Variants in MYO9A observed in about 807,000 individuals in gnomAD.
The protein encoded by MYO9A is unconventional myosin-IXa.
A neutral mutation model predicts 293.3 loss-of-function variants in MYO9A; 103 were observed. The observed-to-expected ratio is 0.35, with a 90% CI of 0.30 to 0.41. The LOEUF (loss-of-function observed/expected upper bound fraction) is 0.41. MYO9A is among the 10% of genes least tolerant of loss of function. MYO9A has a pLI of 1.00. For missense variants in MYO9A, 2,685 were observed against 3,033.0 expected, an observed-to-expected ratio of 0.89 and a Z score of 2.69; for synonymous variants, 1,001 against 1,035.7, an observed-to-expected ratio of 0.97 and a Z score of 0.64.
intron 2 of MYO9A, among the ~76,000 whole-genome samples, chr15:72,037,361 C>A (rs2078085369): frequency 6.6e-6 from 1 of 151,120 alleles, no homozygotes; most frequent in South Asian, 2.1e-4. Context: ...TATTCATGGG[C>A]ATATGGAAGG....
chr15:71,840,866 C>T (rs1051460448), intron 39 of MYO9A, among the ~76,000 whole-genome samples: 2 of 152,170 alleles, frequency 1.3e-5, no homozygotes, highest in Admixed American at 6.5e-5. Context: ...GTCCTGACCT[C>T]GTGATCCGCC....
rs558403959 is a variant in MYO9A at position 72,112,351 on chromosome 15, G to A, written c.-72+5329C>T. Among the ~76,000 whole-genome samples the A allele has an allele frequency of 7.2e-5, 11 of 152,210 alleles. No individual in the cohort carries two copies. The South Asian group carries it at 1.0e-3, about 14-fold the overall frequency. On this transcript the variant is annotated intron_variant, in intron 1 of 41. Transcript: ENST00000356056. ...CTGGATGACCCCACTGCCAAAATAC[G>A]CCAGCAACATAATTCACATTAAAAC...
At position 71,904,034 on chromosome 15, in the gene MYO9A, G is replaced by C; in HGVS notation, c.2772C>G (p.Pro924=). ...KCIRSNAEKL[P]LRFSDVLVLR... Reference sequence around the variant, plus strand: ...GTACCAAGACATCACTGAACCTTAAGGGCAGCTAAAGCAAATGGAAAAAAG... The same window carrying C: ...GTACCAAGACATCACTGAACCTTAACGGCAGCTAAAGCAAATGGAAAAAAG... Residue 924 remains proline, a synonymous_variant, in exon 21 of 42, where the codon CCC becomes CCG. Transcript: ENST00000356056. 6.2e-7 allele frequency: 1 copy of C among 1,613,024 alleles called. No individual in the cohort carries two copies. Among genetic ancestry groups the C allele is most frequent in the Non-Finnish European group, 8.5e-7 (1 of 1,179,466 alleles).
At chr15:72,103,503 TGGCAGCAGA>T (rs2080459140) in intron 1 of MYO9A, among the ~76,000 whole-genome samples, 1 of 138,546 alleles carries the variant, frequency 7.2e-6, no homozygotes, top group Non-Finnish European at 1.5e-5. Flanking sequence ...GCAGAAGCAG[TGGCAGCAGA>T]AGCAGCAGAA....
intron 26 of MYO9A, chr15:71,889,946 C>A (rs558564440): frequency 6.6e-6 from 1 of 152,170 alleles, no homozygotes; most frequent in South Asian, 2.1e-4. Context: ...TGTCTTAAGG[C>A]TGCCAATCCA....
intron 1 of MYO9A, among the ~76,000 whole-genome samples, chr15:72,072,291 C>G (rs2079218293): frequency 6.6e-6 from 1 of 151,934 alleles, no homozygotes; most frequent in African/African-American, 2.4e-5. Flanking sequence ...GCCACCACGC[C>G]TGGCTAATTT....
At chr15:72,077,554 T>C (rs955205213) in intron 1 of MYO9A, among the ~76,000 whole-genome samples, 33 of 151,426 alleles carry the variant, frequency 2.2e-4, no homozygotes, top group African/African-American at 8.0e-4. Flanking sequence ...TAGCCAGGTG[T>C]GGTGGTGCAT....
chr15:71,976,499 T>C (rs2076151025), intron 12 of MYO9A, among the ~76,000 whole-genome samples: 1 of 152,220 alleles, frequency 6.6e-6, no homozygotes, highest in South Asian at 2.1e-4. Context: ...CTTTCTTTTG[T>C]TACTATAAAA....
At chr15:71,846,146 A>G (rs2055376521) in intron 39 of MYO9A, among the ~76,000 whole-genome samples, 1 of 152,208 alleles carries the variant, frequency 6.6e-6, no homozygotes, top group East Asian at 1.9e-4. Context: ...ATATCTTGCA[A>G]GGGACTATCA....
rs887606740 is a variant in MYO9A at position 71,978,031 on chromosome 15, C to T, written c.1844+140G>A. ...CAGCCTGGGTGACAGATCAAGACTC[C>T]GTCTCAAAAATAAATAAAAAAATAA... On this transcript the variant is annotated intron_variant, in intron 12 of 41. Coordinates refer to ENST00000356056, the MANE Select transcript of MYO9A (RefSeq NM_006901.4). 2.4e-5 allele frequency: 23 copies of T among 948,802 alleles called. 1 individual carries two copies. The South Asian group carries it at 2.8e-4, about 12-fold the overall frequency. 58.8% of individuals were successfully genotyped at this position (948,802 alleles called of 1,614,324 possible). A position where few individuals can be genotyped will look rare whatever the true frequency, so the allele number is the denominator to read the frequency against.
At chr15:72,017,727 G>A (rs1206498623) in intron 6 of MYO9A, among the ~76,000 whole-genome samples, 3 of 152,302 alleles carry the variant, frequency 2.0e-5, no homozygotes, top group East Asian at 3.9e-4. Flanking sequence ...TTATAAACAT[G>A]CTGTGAGAAT....
chr15:71,986,594 G>C (rs2076412498), intron 11 of MYO9A, among the ~76,000 whole-genome samples: 2 of 152,082 alleles, frequency 1.3e-5, no homozygotes, highest in African/African-American at 4.8e-5. Flanking sequence ...AATATGCTAT[G>C]GTAATATGTA....
chr15:71,895,039 G>A (rs2057284712), intron 25 of MYO9A, among the ~76,000 whole-genome samples: 1 of 152,174 alleles, frequency 6.6e-6, no homozygotes, highest in South Asian at 2.1e-4. Context: ...GGAGCCATAA[G>A]AAATTATCTT....
chr15:71,912,127 C>T (rs1596173793), intron 19 of MYO9A, among the ~76,000 whole-genome samples: 1 of 152,140 alleles, frequency 6.6e-6, no homozygotes, highest in African/African-American at 2.4e-5. Flanking sequence ...AGTGTAAAAG[C>T]TTAACAACAC....
chr15:72,090,989 T>A (rs574110688), intron 1 of MYO9A, among the ~76,000 whole-genome samples: 2 of 150,458 alleles, frequency 1.3e-5, no homozygotes, highest in Admixed American at 6.6e-5. Flanking sequence ...AAAAAATAAA[T>A]AAATAAAAAA....
chr15:72,003,220 G>A lies in MYO9A; in HGVS notation c.1381-3280C>T, dbSNP rs567202958. 8.1e-5 allele frequency among the ~76,000 whole-genome samples: 12 copies of A among 148,126 alleles called. No homozygotes were observed. The Admixed American group carries it at 8.2e-4, about 10-fold the overall frequency. The stretch of plus-strand genomic sequence containing the variant: ...GGAGGCAGAGATTGTGGTGAGCTGA[G>A]ATCGCACCATTGCACTGTAGCCTGG... On this transcript the variant is annotated intron_variant, in intron 8 of 41. Coordinates refer to ENST00000356056, the MANE Select transcript of MYO9A (RefSeq NM_006901.4).
chr15:72,101,557 G>T (rs2080324994), intron 1 of MYO9A, among the ~76,000 whole-genome samples: 1 of 132,404 alleles, frequency 7.6e-6, no homozygotes, highest in Non-Finnish European at 1.6e-5. Flanking sequence ...CGTCCGGGAG[G>T]TGAGGGGCGC....
Position 72,010,615 on chromosome 15 carries a change from C to T in MYO9A, c.1156-168G>A, listed in dbSNP as rs28493313. Among the ~76,000 whole-genome samples the T allele has an allele frequency of 8.9e-3, 1,360 of 152,190 alleles. 18 individuals carry two copies. The highest frequency in any genetic ancestry group is 0.011 in the Admixed American group (163 of 15,294). ...ATTCATTAGACCTCTTATCTTACTA[C>T]AGGTATGGAAACTAAACACATACTT... On this transcript the variant is annotated intron_variant, in intron 6 of 41. Transcript: ENST00000356056.
chr15:72,075,561 T>C (rs968577627), intron 1 of MYO9A, among the ~76,000 whole-genome samples: 1 of 151,916 alleles, frequency 6.6e-6, no homozygotes, highest in Non-Finnish European at 1.5e-5. Context: ...GTTCACTAAA[T>C]AGACTTAATA....
Sources: allele counts gnomAD v4.1 joint callset (sites outside exome capture counted in the v4.1 genomes callset), GRCh38; gene constraint gnomAD v4.1.1; transcripts MANE v1.5; gene names NCBI Gene and HGNC (gene_info 2026-07-23, HGNC 2026-07-21).